CEP290: variants seen among roughly 807,000 people sequenced by gnomAD.
The protein encoded by CEP290 is centrosomal protein of 290 kDa.
CEP290 carries 317 observed loss-of-function variants against 344.9 expected under a neutral mutation model. The ratio of observed to expected loss-of-function variants is 0.92; its 90% CI spans 0.84 to 1.01. The LOEUF is 1.01. Among genes scored for constraint, CEP290 ranks in the 50% least tolerant of loss-of-function variants. The pLI is 0.00. For synonymous variants in CEP290, 932 were observed against 895.8 expected (o/e 1.04, Z -0.72); for missense variants, 2,754 against 2,761.4 (o/e 1.00, Z 0.06).
At chr12:88,059,593 G>C (rs1322554527) in intron 48 of CEP290, among the ~76,000 whole-genome samples, 1 of 152,114 alleles carries the variant, frequency 6.6e-6, no homozygotes, top group Non-Finnish European at 1.5e-5. Context: ...ATTTTTAGTA[G>C]AGACGGGGTT....
At chr12:88,107,382 A>G (rs950203224) in intron 23 of CEP290, among the ~76,000 whole-genome samples, 1 of 152,138 alleles carries the variant, frequency 6.6e-6, no homozygotes, top group African/African-American at 2.4e-5. Context: ...TGAATCTTAT[A>G]AACATTTTAT....
At position 88,059,034 on chromosome 12, in the gene CEP290, C is replaced by G; in HGVS notation, c.6646-14G>C. The G allele has an allele frequency of 6.3e-7, 1 of 1,588,360 alleles. No individual in the cohort carries two copies. The highest frequency in any genetic ancestry group is 8.6e-7 in the Non-Finnish European group (1 of 1,163,772). ...AGCATCAGTTTCCTATCATTAAATG[C>G]TAATTAGTATTTTATGAGAAAACAT... On this transcript the variant is annotated splice_polypyrimidine_tract_variant and intron_variant, in intron 48 of 53. Coordinates refer to ENST00000552810, the MANE Select transcript of CEP290 (RefSeq NM_025114.4).
chr12:88,094,109 G>T, intron 27 of CEP290, 134 bp from the exon 28 acceptor site: 1 of 647,980 alleles, frequency 1.5e-6, no homozygotes, highest in South Asian at 2.3e-5. Context: ...CATCAGACCT[G>T]GACTCTAATC....
In CEP290 at chr12:88,133,069, C is replaced by T. The variant is rs376913260; in HGVS notation, c.442-1851G>A. On this transcript the variant is annotated intron_variant, in intron 6 of 53. Transcript: ENST00000552810. ...TCCCTGCAAAGGACATGATCTTGTT[C>T]CGGTTTTTTTTTTTTTTTTTTTTTG... Among the ~76,000 whole-genome samples, 326 of 148,806 alleles carry T rather than the reference C, an allele frequency of 2.2e-3. 3 individuals carry two copies. The highest frequency in any genetic ancestry group is 7.7e-3 in the African/African-American group (313 of 40,402).
intron 30 of CEP290, 141 bp downstream of exon 30, chr12:88,090,587 A>G: frequency 1.7e-6 from 1 of 586,322 alleles, no homozygotes; most frequent in Non-Finnish European, 3.0e-6. Context: ...CCTTGAATGT[A>G]CCACTGCACT....
At chr12:88,080,534 A>AT in intron 37 of CEP290, 139 bp from the exon 38 acceptor site, 1 of 615,980 alleles carries the variant, frequency 1.6e-6, no homozygotes, top group Non-Finnish European at 2.7e-6. Flanking sequence ...GATTCAAGTG[A>AT]TTTTTTTGCC....
In CEP290 at chr12:88,128,970, G is replaced by C; in HGVS notation, c.918C>G (p.Val306=). The C allele has an allele frequency of 5.9e-6, 9 of 1,531,516 alleles. No individual in the cohort carries two copies. Among genetic ancestry groups the C allele is most frequent in the Non-Finnish European group, 7.8e-6 (9 of 1,149,852 alleles). The allele number at this position is 1,531,516 out of a possible 1,614,324, so 94.9% of individuals were successfully genotyped here. ...NEEDDPIMVA[V]NAKVEEWKLI... ...CCTTCCATTCTTCTACTTTTGCATT[G>C]ACAGCTACCATAATTGGATCATCTT... Residue 306 remains valine, a synonymous_variant, in exon 11 of 54, where the codon GTC becomes GTG. Transcript: ENST00000552810.
rs1237799214 is a variant in CEP290, at chr12:88,063,980, C to A, written c.6270+1G>T. The A allele has an allele frequency of 6.3e-7, 1 of 1,592,918 alleles. No individual in the cohort carries two copies. Among genetic ancestry groups the A allele is most frequent in the Admixed American group, 1.8e-5 (1 of 56,914 alleles). On this transcript the variant is annotated splice_donor_variant, in intron 45 of 53. Transcript: ENST00000552810. LOFTEE classifies it high-confidence loss of function. ...TTCCTAATAAAAAACATTAAATTCA[C>A]CTTTAATCTTGGCAAATCTTTATTT... is the stretch of plus-strand genomic sequence containing the variant.
chr12:88,088,275 T>C (rs972904224), intron 31 of CEP290, among the ~76,000 whole-genome samples: 9 of 152,318 alleles, frequency 5.9e-5, no homozygotes, highest in South Asian at 2.1e-4. Flanking sequence ...AAATCCTAAA[T>C]GTTTCTAGCC....
Position 88,140,951 on chromosome 12 carries a change from C to T in CEP290, c.180+5G>A, listed in dbSNP as rs2040618334. ...ACCTATAGTTAAAACCTACTACATA[C>T]AAACCTTCATTAGTGACTGAGTAAT... is the stretch of plus-strand genomic sequence containing the variant. On this transcript the variant is annotated splice_donor_5th_base_variant and intron_variant, in intron 3 of 53. Transcript: ENST00000552810. 1 of 1,574,166 alleles carries T rather than the reference C, an allele frequency of 6.4e-7. No individual in the cohort carries two copies. The highest frequency in any genetic ancestry group is 8.6e-7 in the Non-Finnish European group (1 of 1,163,010).
At chr12:88,113,951 A>G (rs1367480584) in intron 20 of CEP290, among the ~76,000 whole-genome samples, 2 of 152,112 alleles carry the variant, frequency 1.3e-5, no homozygotes, top group African/African-American at 4.8e-5. Context: ...AAACCCCTCA[A>G]ATACGGAAGA....
rs750607382 is a variant in CEP290 at position 88,139,529 on chromosome 12, T to A, written c.216A>T (p.Glu72Asp). The change falls in exon 4 of 54, where the codon GAA becomes GAT. Residue 72 changes from glutamate to aspartate, a missense_variant. Transcript: ENST00000552810. ...CTTGTTCTTCTCCAGCTTTTTCTAC[T>A]TCTTCCAAAGCCAGCTCCACTTCTT... ...KAQEVELALE[E>D]VEKAGEEQAK... 2.5e-6 allele frequency: 4 copies of A among 1,598,418 alleles called. No individual in the cohort carries two copies. The highest frequency in any genetic ancestry group is 2.6e-6 in the Non-Finnish European group (3 of 1,173,362).
intron 26 of CEP290, among the ~76,000 whole-genome samples, chr12:88,099,040 C>T (rs901238913): frequency 6.6e-6 from 1 of 152,138 alleles, no homozygotes; most frequent in Non-Finnish European, 1.5e-5. Flanking sequence ...AAGTTTTAAA[C>T]AATCATTCTG....
chr12:88,125,414 A>C, intron 12 of CEP290, 45 bp from the exon 13 acceptor site: 1 of 1,029,912 alleles, frequency 9.7e-7, no homozygotes, highest in Non-Finnish European at 1.3e-6. Context: ...ATGAATATTA[A>C]CCTAAAAAGG....
Position 88,089,024 on chromosome 12 carries a change from A to T in CEP290, c.4029+8T>A. On this transcript the variant is annotated splice_region_variant and intron_variant, in intron 31 of 53. Coordinates refer to ENST00000552810, the MANE Select transcript of CEP290 (RefSeq NM_025114.4). ...TCTTAAAAAAAAAAATCAAGTTTAA[A>T]TGTTTACCTTTTGGGCTCCTTTGGT... 6.7e-7 allele frequency: 1 copy of T among 1,489,594 alleles called. No homozygotes were observed. The highest frequency in any genetic ancestry group is 8.9e-7 in the Non-Finnish European group (1 of 1,119,296). The allele number at this position is 1,489,594 out of a possible 1,614,324, so 92.3% of individuals were successfully genotyped here.
intron 47 of CEP290, 29 bp downstream of exon 47, chr12:88,060,801 C>T: frequency 6.9e-7 from 1 of 1,455,186 alleles, no homozygotes; most frequent in Non-Finnish European, 9.1e-7. Context: ...AAATATTCCC[C>T]TAAAAATGAT....
Position 88,128,942 on chromosome 12 carries a change from AT to A in CEP290, c.942+3del. 6.7e-6 allele frequency: 10 copies of A among 1,494,674 alleles called. No individual in the cohort carries two copies. Among genetic ancestry groups the A allele is most frequent in the Non-Finnish European group, 8.9e-6 (10 of 1,129,192 alleles). 92.6% of individuals were successfully genotyped at this position (1,494,674 alleles called of 1,614,324 possible). A position where few individuals can be genotyped will look rare whatever the true frequency, so the allele number is the denominator to read the frequency against. ...AAGTTATTATGTCAATTGAAAAAAA[AT>A]ACCTTCCATTCTTCTACTTTTGCAT... On this transcript the variant is annotated splice_donor_region_variant and intron_variant, in intron 11 of 53. Transcript: ENST00000552810.
At position 88,077,789 on chromosome 12, in the gene CEP290, CT is replaced by C. The variant is rs386834158; in HGVS notation, c.5493del (p.Ala1832ProfsTer19). The C allele has an allele frequency of 1.4e-5, 22 of 1,563,896 alleles. No individual in the cohort carries two copies. Among genetic ancestry groups the C allele is most frequent in the Non-Finnish European group, 1.9e-5 (22 of 1,147,802 alleles). ...DLNNELQKKQ[K>X]AYNKILREKE... ...TTCTCTCTAAGTATTTTATTATAGGCTTTTTGTTTCTTTTGCAGTTCATTAT... is the reference window on the plus strand; with the variant it reads ...TTCTCTCTAAGTATTTTATTATAGGCTTTTGTTTCTTTTGCAGTTCATTAT... On this transcript the variant is annotated frameshift_variant, in exon 40 of 54. Transcript: ENST00000552810. LOFTEE classifies it high-confidence loss of function.
chr12:88,094,119 C>A, intron 27 of CEP290, 144 bp from the exon 28 acceptor site: 1 of 613,538 alleles, frequency 1.6e-6, no homozygotes, highest in Non-Finnish European at 2.7e-6. Flanking sequence ...GGACTCTAAT[C>A]TTAGCTCTGT....
Sources: gnomAD v4.1 joint callset for allele counts (sites outside exome capture counted in the v4.1 genomes callset) on GRCh38, gnomAD v4.1.1 for gene constraint, MANE v1.5 for transcripts, NCBI Gene and HGNC (gene_info 2026-07-23, HGNC 2026-07-21) for gene names.